PRIM2: variants seen among roughly 807,000 people sequenced by gnomAD.
PRIM2 encodes the protein DNA primase subunit 2.
Under a neutral mutation model 67.3 loss-of-function variants are expected in PRIM2, and 39 were observed. That is an observed-to-expected ratio of 0.58 (90% CI 0.45 to 0.76). PRIM2 has a LOEUF of 0.76. PRIM2 is among the 30% of genes least tolerant of loss of function. The pLI is 0.00. For missense variants in PRIM2, 398 were observed against 598.7 expected, an observed-to-expected ratio of 0.66 and a Z score of 3.50; for synonymous variants, 143 against 198.7, an observed-to-expected ratio of 0.72 and a Z score of 2.36.
At chr6:57,636,984 A>C (rs1777133232) in intron 13 of PRIM2, among the ~76,000 whole-genome samples, 6 of 152,162 alleles carry the variant, frequency 3.9e-5, no homozygotes, top group Non-Finnish European at 8.8e-5. Context: ...GCAGGGGCCG[A>C]CAGACATCTC....
At chr6:57,385,956 C>A (rs901376755) in intron 7 of PRIM2, among the ~76,000 whole-genome samples, 1 of 143,420 alleles carries the variant, frequency 7.0e-6, no homozygotes, top group Non-Finnish European at 1.5e-5. Context: ...TTTTGGTTAT[C>A]ACAAATACTG....
intron 7 of PRIM2, among the ~76,000 whole-genome samples, chr6:57,506,452 A>G (rs1774253091): frequency 6.6e-6 from 1 of 152,140 alleles, no homozygotes; most frequent in South Asian, 2.1e-4. Flanking sequence ...GATACACTAT[A>G]TAAACCCAAA....
the PRIM2 span, among the ~76,000 whole-genome samples, chr6:57,266,808 G>A: frequency 3.9e-5 from 6 of 152,100 alleles, no homozygotes; most frequent in African/African-American, 9.7e-5. Flanking sequence ...ATTTGGAACC[G>A]ATCTCTTTTA....
At chr6:57,352,171 T>C (rs949869688) in intron 5 of PRIM2, among the ~76,000 whole-genome samples, 4 of 152,222 alleles carry the variant, frequency 2.6e-5, no homozygotes, top group African/African-American at 9.6e-5. Flanking sequence ...TGGTTAGTTG[T>C]AATCTTGGAA....
the PRIM2 span, among the ~76,000 whole-genome samples, chr6:57,271,226 A>T: frequency 4.6e-5 from 7 of 152,112 alleles, no homozygotes; most frequent in African/African-American, 9.7e-5. Context: ...TTTGTACCTC[A>T]GGTAGAATTC....
chr6:57,418,376 G>A (rs1581886815), intron 7 of PRIM2, among the ~76,000 whole-genome samples: 1 of 94,052 alleles, frequency 1.1e-5, no homozygotes, highest in African/African-American at 3.7e-5. Flanking sequence ...TGTTTCCTAT[G>A]TGTGTGGTTT....
chr6:57,322,870 G>A (rs373997013), intron 3 of PRIM2, among the ~76,000 whole-genome samples: 2 of 152,306 alleles, frequency 1.3e-5, no homozygotes, highest in South Asian at 4.1e-4. Context: ...TCTGTTCAGA[G>A]AGAAGGGAAA....
At chr6:57,597,087 C>T (rs1186137039) in intron 10 of PRIM2, among the ~76,000 whole-genome samples, 9 of 151,650 alleles carry the variant, frequency 5.9e-5, no homozygotes, top group Non-Finnish European at 8.8e-5. Context: ...AGGCATGCTA[C>T]GATGAGTACG....
chr6:57,636,118 A>G (rs1418340836), intron 13 of PRIM2, among the ~76,000 whole-genome samples: 2 of 152,312 alleles, frequency 1.3e-5, no homozygotes, highest in East Asian at 3.9e-4. Flanking sequence ...CTCAATACAT[A>G]AAATAATGCA....
the PRIM2 span, among the ~76,000 whole-genome samples, chr6:57,290,342 C>G: frequency 6.6e-6 from 1 of 152,144 alleles, no homozygotes; most frequent in African/African-American, 2.4e-5. Flanking sequence ...CAGGGACACC[C>G]AGATTCATCA....
chr6:57,571,032 A>G (rs1441533361), intron 10 of PRIM2, among the ~76,000 whole-genome samples: 9 of 152,166 alleles, frequency 5.9e-5, no homozygotes, highest in Non-Finnish European at 1.0e-4. Context: ...ATGATAAAAC[A>G]GTAAAGAATG....
chr6:57,631,926 C>T (rs1484960138), intron 12 of PRIM2, among the ~76,000 whole-genome samples: 1,822 of 152,298 alleles, frequency 0.012, 19 homozygotes, highest in Non-Finnish European at 0.02. Flanking sequence ...CTCTTGTCAT[C>T]TGTGGTTTAA....
chr6:57,292,976 A>G, the PRIM2 span, among the ~76,000 whole-genome samples: 1 of 152,218 alleles, frequency 6.6e-6, no homozygotes, highest in Non-Finnish European at 1.5e-5. Flanking sequence ...AACAAAAGCC[A>G]AAATTGACAA....
chr6:57,642,547 A>G (rs1352716694), intron 13 of PRIM2, among the ~76,000 whole-genome samples: 39 of 135,780 alleles, frequency 2.9e-4, no homozygotes, highest in Middle Eastern at 4.5e-3. Flanking sequence ...GGTTCACGCC[A>G]TTCTCCTGCC....
chr6:57,320,599 T>G, intron 3 of PRIM2, 39 bp downstream of exon 3: 2 of 1,294,164 alleles, frequency 1.5e-6, no homozygotes, highest in Non-Finnish European at 2.2e-6. Flanking sequence ...TCAGTTTCTA[T>G]GCATTTATGT....
intron 10 of PRIM2, among the ~76,000 whole-genome samples, chr6:57,587,664 C>CAAAAAAAAAAA (rs1157172882): frequency 1.1e-4 from 6 of 54,240 alleles, no homozygotes; most frequent in African/African-American, 3.8e-4. Flanking sequence ...GACTCTGTCT[C>CAAAAAAAAAAA]AAAAAAAAAA....
intron 12 of PRIM2, among the ~76,000 whole-genome samples, chr6:57,606,767 G>T (rs1286962689): frequency 5.9e-5 from 9 of 152,216 alleles, no homozygotes; most frequent in Non-Finnish European, 1.2e-4. Flanking sequence ...TAAAATTTTT[G>T]AGCAATGCAT....
chr6:57,358,896 T>G (rs960041671), intron 5 of PRIM2, among the ~76,000 whole-genome samples: 2 of 152,234 alleles, frequency 1.3e-5, no homozygotes, highest in Non-Finnish European at 2.9e-5. Flanking sequence ...AGAAGTGGGA[T>G]CTATGTCACC....
At chr6:57,508,458 G>GT (rs1774295061) in intron 8 of PRIM2, among the ~76,000 whole-genome samples, 1 of 151,892 alleles carries the variant, frequency 6.6e-6, no homozygotes, top group Non-Finnish European at 1.5e-5. Context: ...ACCATTTCCA[G>GT]TTTTTTATTC....
Sources: gnomAD v4.1 joint callset for allele counts (sites outside exome capture counted in the v4.1 genomes callset) on GRCh38, gnomAD v4.1.1 for gene constraint, MANE v1.5 for transcripts, NCBI Gene and HGNC (gene_info 2026-07-23, HGNC 2026-07-21) for gene names.